TM9SF4: variants seen among roughly 807,000 people sequenced by gnomAD.
TM9SF4 encodes the protein transmembrane 9 superfamily member 4.
TM9SF4 carries 26 observed loss-of-function variants against 90.4 expected under a neutral mutation model. That is an observed-to-expected ratio of 0.29 (90% confidence interval 0.21 to 0.40). TM9SF4 has a LOEUF of 0.40. Among genes scored for constraint, TM9SF4 ranks in the 10% least tolerant of loss-of-function variants. The probability of loss-of-function intolerance (pLI) is 1.00; values close to 1 mark genes in which losing one functional copy is unlikely to be tolerated. For synonymous variants in TM9SF4, 293 were observed against 315.4 expected (o/e 0.93, Z 0.75); for missense variants, 549 against 834.8 (o/e 0.66, Z 4.22).
At chr20:32,126,889 C>G (rs923271246) in intron 1 of TM9SF4, among the ~76,000 whole-genome samples, 2 of 152,176 alleles carry the variant, frequency 1.3e-5, no homozygotes, top group Non-Finnish European at 1.5e-5. Context: ...GCGCCTGCCA[C>G]CACGCCGGCT....
chr20:32,135,516 G>A (rs2046582330), intron 2 of TM9SF4, among the ~76,000 whole-genome samples: 1 of 152,204 alleles, frequency 6.6e-6, no homozygotes, highest in Admixed American at 6.5e-5. Flanking sequence ...GAAGTAAACA[G>A]TTGAAGACTG....
chr20:32,126,239 G>T (rs1040481730), intron 1 of TM9SF4, among the ~76,000 whole-genome samples: 1 of 152,134 alleles, frequency 6.6e-6, no homozygotes. Flanking sequence ...AACCAAAAGT[G>T]TCGTCATTAC....
chr20:32,159,739 CATT>C (rs11469010), intron 15 of TM9SF4: 225,892 of 523,286 alleles, frequency 0.43, 50,919 homozygotes, highest in East Asian at 0.72. Flanking sequence ...GGATAAGAAT[CATT>C]ATTTTCTACA....
At chr20:32,129,147 T>C (rs891391008) in intron 1 of TM9SF4, among the ~76,000 whole-genome samples, 65 of 152,006 alleles carry the variant, frequency 4.3e-4, no homozygotes, top group African/African-American at 1.5e-3. Context: ...TGCCACACAG[T>C]GTTCTAGCTC....
In TM9SF4 at chr20:32,165,621, T is replaced by A; in HGVS notation, c.*177T>A. Reference sequence around the variant, plus strand: ...GGGAGGGCCTGTAGATAATCTTGCGTTTTTCGTCATCTTATTCCAGTTCTG... The same window carrying A: ...GGGAGGGCCTGTAGATAATCTTGCGATTTTCGTCATCTTATTCCAGTTCTG... On this transcript the variant is annotated 3_prime_UTR_variant, in exon 18 of 18. Transcript: ENST00000398022. 5.8e-6 allele frequency: 4 copies of A among 689,934 alleles called. No individual in the cohort carries two copies. The highest frequency in any genetic ancestry group is 9.5e-6 in the Non-Finnish European group (4 of 423,278). 42.7% of individuals were successfully genotyped at this position (689,934 alleles called of 1,614,324 possible). A position where few individuals can be genotyped will look rare whatever the true frequency, so the allele number is the denominator to read the frequency against.
At chr20:32,160,971 AAAAAAAG>A in intron 16 of TM9SF4, 3 of 178,764 alleles carry the variant, frequency 1.7e-5, no homozygotes, top group African/African-American at 7.4e-5. Flanking sequence ...AAAAAAAAAA[AAAAAAAG>A]AATAGTGCCT....
intron 1 of TM9SF4, among the ~76,000 whole-genome samples, chr20:32,117,252 T>C (rs1218909078): frequency 2.0e-5 from 3 of 146,518 alleles, no homozygotes; most frequent in Non-Finnish European, 4.5e-5. Context: ...AAAAAGTGAC[T>C]GTCTTTTAGA....
At chr20:32,147,171 G>A (rs985239981) in intron 9 of TM9SF4, among the ~76,000 whole-genome samples, 7 of 151,854 alleles carry the variant, frequency 4.6e-5, no homozygotes, top group African/African-American at 1.7e-4. Flanking sequence ...TAGTAGAAAC[G>A]GGGTTTGCCA....
intron 1 of TM9SF4, among the ~76,000 whole-genome samples, chr20:32,122,680 C>G (rs1222472398): frequency 6.6e-6 from 1 of 151,020 alleles, no homozygotes; most frequent in Non-Finnish European, 1.5e-5. Context: ...TCCTCACTTT[C>G]CAGACTGGGC....
intron 5 of TM9SF4, 47 bp from the exon 6 acceptor site, chr20:32,142,935 A>G: frequency 6.2e-7 from 1 of 1,605,808 alleles, no homozygotes; most frequent in Non-Finnish European, 8.5e-7. Context: ...CCTGGAGAGT[A>G]TCCCTAAGTG....
intron 5 of TM9SF4, 29 bp downstream of exon 5, chr20:32,141,924 C>G (rs760574546): frequency 2.1e-5 from 34 of 1,613,278 alleles, no homozygotes; most frequent in Non-Finnish European, 2.8e-5. Context: ...GCTCACAGGA[C>G]CGGGAGCCAC....
intron 1 of TM9SF4, among the ~76,000 whole-genome samples, chr20:32,110,424 CT>C (rs1395327632): frequency 2.0e-5 from 3 of 152,158 alleles, no homozygotes; most frequent in Non-Finnish European, 4.4e-5. Context: ...GGTTCTCAAA[CT>C]TTACTGTGCA....
chr20:32,123,311 A>G (rs775002106), intron 1 of TM9SF4, among the ~76,000 whole-genome samples: 1 of 150,044 alleles, frequency 6.7e-6, no homozygotes, highest in Non-Finnish European at 1.5e-5. Flanking sequence ...ATGTAAGTAT[A>G]TATCACTAAA....
intron 6 of TM9SF4, 105 bp downstream of exon 6, chr20:32,143,210 G>T (rs2046706890): frequency 3.6e-6 from 5 of 1,399,060 alleles, no homozygotes; most frequent in Non-Finnish European, 4.8e-6. Flanking sequence ...ATGGGCTCGG[G>T]TGTGGCGTGT....
intron 16 of TM9SF4, among the ~76,000 whole-genome samples, chr20:32,160,837 C>G (rs898543591): frequency 3.3e-5 from 5 of 149,960 alleles, no homozygotes; most frequent in African/African-American, 1.2e-4. Context: ...GTAGTCCCAG[C>G]TACTTGGGAG....
At chr20:32,139,829 G>C (rs2046645971) in intron 3 of TM9SF4, among the ~76,000 whole-genome samples, 1 of 152,196 alleles carries the variant, frequency 6.6e-6, no homozygotes, top group African/African-American at 2.4e-5. Context: ...CCACCCCAAA[G>C]GGGCCTTTGC....
chr20:32,151,293 G>T (rs887549984), intron 12 of TM9SF4, among the ~76,000 whole-genome samples: 1 of 152,168 alleles, frequency 6.6e-6, no homozygotes, highest in Admixed American at 6.5e-5. Context: ...CCAGGCTGGT[G>T]CCTGCATTTC....
chr20:32,109,928 C>T (rs373076640), intron 1 of TM9SF4, 173 bp downstream of exon 1: 14 of 1,444,064 alleles, frequency 9.7e-6, no homozygotes, highest in South Asian at 1.4e-5. Flanking sequence ...CTGGCCCTGC[C>T]CCTGCACTCA....
intron 12 of TM9SF4, 62 bp downstream of exon 12, chr20:32,150,937 C>T: frequency 6.3e-7 from 1 of 1,588,234 alleles, no homozygotes; most frequent in East Asian, 2.3e-5. Context: ...CTGGGCTCCT[C>T]AGGAGAAGGT....
Sources: allele counts gnomAD v4.1 joint callset (sites outside exome capture counted in the v4.1 genomes callset), GRCh38; gene constraint gnomAD v4.1.1; transcripts MANE v1.5; gene names NCBI Gene and HGNC (gene_info 2026-07-23, HGNC 2026-07-21).